ENOSF1: variants seen among roughly 807,000 people sequenced by gnomAD.
ENOSF1 encodes the protein mitochondrial enolase superfamily member 1.
A neutral mutation model predicts 68.2 loss-of-function variants in ENOSF1; 73 were observed. The ratio of observed to expected loss-of-function variants is 1.07; its 90% CI spans 0.89 to 1.30. The LOEUF is 1.30. Ranked by LOEUF, ENOSF1 falls within the 50% of genes most tolerant of loss-of-function variation. ENOSF1 has a pLI of 0.00. For missense variants in ENOSF1, 589 were observed against 554.5 expected, an observed-to-expected ratio of 1.06 and a Z score of -0.62; for synonymous variants, 223 against 210.4, an observed-to-expected ratio of 1.06 and a Z score of -0.52.
intron 2 of ENOSF1, among the ~76,000 whole-genome samples, chr18:701,226 A>G (rs1050453948): frequency 1.3e-5 from 2 of 152,196 alleles, no homozygotes; most frequent in Non-Finnish European, 2.9e-5. Flanking sequence ...TACATTGTAC[A>G]TATTATTATA....
chr18:674,103 T>A lies in ENOSF1; in HGVS notation c.*202A>T. 1 of 458,552 alleles carries A rather than the reference T, an allele frequency of 2.2e-6. No homozygotes were observed. Among genetic ancestry groups the A allele is most frequent in the Non-Finnish European group, 3.9e-6 (1 of 259,084 alleles). The allele number at this position is 458,552 out of a possible 1,614,324, so 28.4% of individuals were successfully genotyped here. ...TTGGGTTAGTTAAATCTAAACTTAT[T>A]TAAGGATTAAGTAGGATAACGTGCA... On this transcript the variant is annotated 3_prime_UTR_variant, in exon 16 of 16. Coordinates refer to ENST00000647584, the MANE Select transcript of ENOSF1 (RefSeq NM_017512.7).
In ENOSF1 at chr18:671,609, C is replaced by G; in HGVS notation, c.*2696G>C. 1.5e-6 allele frequency: 1 copy of G among 654,274 alleles called. No individual in the cohort carries two copies. Among genetic ancestry groups the G allele is most frequent in the Non-Finnish European group, 2.7e-6 (1 of 370,382 alleles). 40.5% of individuals were successfully genotyped at this position (654,274 alleles called of 1,614,324 possible). Reference sequence around the variant, plus strand: ...AGAAGTGGTGGGCAGGTGGGCAGGACAAGGCAGGCATCTGCCTCAGCAACC... The same window carrying G: ...AGAAGTGGTGGGCAGGTGGGCAGGAGAAGGCAGGCATCTGCCTCAGCAACC... On this transcript the variant is annotated 3_prime_UTR_variant, in exon 16 of 16. Coordinates refer to ENST00000647584, the MANE Select transcript of ENOSF1 (RefSeq NM_017512.7).
At chr18:674,901 G>T (rs768156195) in intron 15 of ENOSF1, among the ~76,000 whole-genome samples, 2 of 152,236 alleles carry the variant, frequency 1.3e-5, no homozygotes, top group African/African-American at 4.8e-5. Context: ...CTACTTGCCA[G>T]AGTTAGTTAA....
intron 3 of ENOSF1, among the ~76,000 whole-genome samples, chr18:695,598 T>A (rs1255334407): frequency 6.6e-6 from 1 of 152,116 alleles, no homozygotes; most frequent in African/African-American, 2.4e-5. Context: ...TTAAAAATTT[T>A]TTATTTTATT....
In ENOSF1 at chr18:674,135, T is replaced by G; in HGVS notation, c.*170A>C. On this transcript the variant is annotated 3_prime_UTR_variant, in exon 16 of 16. Coordinates refer to ENST00000647584, the MANE Select transcript of ENOSF1 (RefSeq NM_017512.7). The stretch of plus-strand genomic sequence containing the variant: ...TTAAGTAGGATAACGTGCATTGATT[T>G]GCTAAAAGAATCAAGTAATAATTAC... 1 of 579,678 alleles carries G rather than the reference T, an allele frequency of 1.7e-6. No individual in the cohort carries two copies. Among genetic ancestry groups the G allele is most frequent in the South Asian group, 2.3e-5 (1 of 43,620 alleles). 35.9% of individuals were successfully genotyped at this position (579,678 alleles called of 1,614,324 possible). A position where few individuals can be genotyped will look rare whatever the true frequency, so the allele number is the denominator to read the frequency against.
At chr18:683,016 C>T (rs1015069752) in intron 11 of ENOSF1, 16 of 485,588 alleles carry the variant, frequency 3.3e-5, no homozygotes, top group African/African-American at 3.1e-4. Context: ...CAACTTTTAG[C>T]AGCTTACTTT....
chr18:712,561 G>C lies in ENOSF1; in HGVS notation c.27C>G (p.Leu9=), dbSNP rs976336856. ...TGGGGAAGCGCACGTCCCGGACCGA[G>C]AGCCGGGAGATCCTGCCGCGCACCA... MVRGRISR[L]SVRDVRFPTS... is the part of the protein sequence containing the mutation. The change falls in exon 1 of 16, where the codon CTC becomes CTG. Residue 9 remains leucine, a synonymous_variant. Transcript: ENST00000647584. 5.8e-6 allele frequency: 9 copies of C among 1,539,208 alleles called. No homozygotes were observed. The highest frequency in any genetic ancestry group is 2.4e-5 in the East Asian group (1 of 40,862).
chr18:706,673 A>T (rs2078966946), intron 1 of ENOSF1, 95 bp from the exon 2 acceptor site: 1 of 893,578 alleles, frequency 1.1e-6, no homozygotes, highest in South Asian at 1.4e-5. Flanking sequence ...ACAATGCCAC[A>T]GGGGCCGTGC....
At chr18:704,440 G>GAAAA (rs11429267) in intron 2 of ENOSF1, among the ~76,000 whole-genome samples, 25,617 of 96,666 alleles carry the variant, frequency 0.27, 2,939 homozygotes, top group African/African-American at 0.31. Context: ...AAAAAGAAAA[G>GAAAA]AAAAAAAAAA....
chr18:684,138 C>T (rs895048254), intron 10 of ENOSF1, among the ~76,000 whole-genome samples: 17 of 151,864 alleles, frequency 1.1e-4, no homozygotes, highest in South Asian at 2.1e-4. Context: ...GGACTACAGG[C>T]GCCCACCACC....
chr18:692,658 G>A, intron 5 of ENOSF1: 1 of 961,464 alleles, frequency 1.0e-6, no homozygotes, highest in African/African-American at 1.8e-5. Context: ...CATTGAAAGG[G>A]AACAGGATCC....
At chr18:677,641 C>A in intron 13 of ENOSF1, 102 bp downstream of exon 13, 5 of 1,463,570 alleles carry the variant, frequency 3.4e-6, no homozygotes, top group Non-Finnish European at 4.6e-6. Context: ...ATCGAAATGG[C>A]AAACTACAGA....
chr18:666,993 T>A (rs1168613304), downstream of ENOSF1, among the ~76,000 whole-genome samples: 139 of 5,802 alleles, frequency 0.024, 5 homozygotes, highest in Non-Finnish European at 0.028. Context: ...ATGGTGATGG[T>A]GATGGAGATG....
intron 2 of ENOSF1, among the ~76,000 whole-genome samples, chr18:703,926 T>C (rs182632862): frequency 1.3e-5 from 2 of 152,222 alleles, no homozygotes; most frequent in Admixed American, 1.3e-4. Context: ...CTTAAAAGTG[T>C]GTAGCACCTC....
chr18:686,701 G>C (rs930547559), intron 9 of ENOSF1: 1 of 152,308 alleles, frequency 6.6e-6, no homozygotes, highest in East Asian at 1.9e-4. Context: ...GCTGGCCTCA[G>C]TGTGGGCACT....
downstream of ENOSF1, chr18:669,110 A>G: frequency 6.2e-7 from 1 of 1,614,236 alleles, no homozygotes; most frequent in Non-Finnish European, 8.5e-7. Context: ...GCAAAGAGTG[A>G]TTGACACCAT....
Position 677,461 on chromosome 18 carries a change from T to A in ENOSF1, c.1049-17A>T. ...AAACAGGAACTAAAAGGAAATCGTT[T>A]CTATTTAATACCAAGAGTAGGGCAG... On this transcript the variant is annotated splice_polypyrimidine_tract_variant and intron_variant, in intron 13 of 15. Transcript: ENST00000647584. 2 of 1,607,918 alleles carry A rather than the reference T, an allele frequency of 1.2e-6. No individual in the cohort carries two copies. Among genetic ancestry groups the A allele is most frequent in the Non-Finnish European group, 1.7e-6 (2 of 1,176,934 alleles).
In ENOSF1 at chr18:671,091, C is replaced by A; in HGVS notation, c.*3214G>T. ...AGATCTATACAGGTTGTTTGTGATA[C>A]AGCTTCTATGGATTTTCTCAAAAGC... On this transcript the variant is annotated 3_prime_UTR_variant, in exon 16 of 16. Coordinates refer to ENST00000647584, the MANE Select transcript of ENOSF1 (RefSeq NM_017512.7). The A allele has an allele frequency of 1.6e-6, 1 of 628,840 alleles. No homozygotes were observed. Among genetic ancestry groups the A allele is most frequent in the East Asian group, 2.8e-5 (1 of 36,068 alleles). 39.0% of individuals were successfully genotyped at this position (628,840 alleles called of 1,614,324 possible). A position where few individuals can be genotyped will look rare whatever the true frequency, so the allele number is the denominator to read the frequency against.
chr18:669,366 ATTT>A (rs68090938), downstream of ENOSF1: 6,199 of 190,436 alleles, frequency 0.033, no homozygotes, highest in South Asian at 0.065. Flanking sequence ...GGCCCAGAGG[ATTT>A]TTTTTTTTTT....
Sources: gnomAD v4.1 joint callset for allele counts (sites outside exome capture counted in the v4.1 genomes callset) on GRCh38, gnomAD v4.1.1 for gene constraint, MANE v1.5 for transcripts, NCBI Gene and HGNC (gene_info 2026-07-23, HGNC 2026-07-21) for gene names.